DPF3: variants seen among roughly 807,000 people sequenced by gnomAD.
DPF3 encodes double PHD fingers 3, also known as zinc finger protein DPF3.
Under a neutral mutation model 56.8 loss-of-function variants are expected in DPF3, and 18 were observed. The ratio of observed to expected loss-of-function variants is 0.32; its 90% CI spans 0.22 to 0.47. The LOEUF is 0.47. Ranked by LOEUF, DPF3 falls within the 20% of genes least tolerant of loss-of-function variation. DPF3 has a pLI of 1.00. For synonymous variants in DPF3, 188 were observed against 180.2 expected (o/e 1.04, Z -0.35); for missense variants, 403 against 488.8 (o/e 0.82, Z 1.65).
At chr14:72,674,138 A>C in intron 8 of DPF3, 102 bp downstream of exon 8, 1 of 1,429,920 alleles carries the variant, frequency 7.0e-7, no homozygotes, top group Non-Finnish European at 9.2e-7. Context: ...CATTGCCACC[A>C]TCGCTTCCCT....
chr14:72,736,452 A>G (rs1889897904), intron 3 of DPF3, among the ~76,000 whole-genome samples: 1 of 152,198 alleles, frequency 6.6e-6, no homozygotes, highest in African/African-American at 2.4e-5. Flanking sequence ...GTGGTTCTTA[A>G]TGTTGTCCAC....
chr14:72,821,538 T>C (rs1883544147), intron 1 of DPF3, among the ~76,000 whole-genome samples: 1 of 152,224 alleles, frequency 6.6e-6, no homozygotes, highest in Admixed American at 6.5e-5. Flanking sequence ...TATCGAATAT[T>C]GTCCATGGTA....
In DPF3 at chr14:72,761,815, T is replaced by C. The variant is rs529834130; in HGVS notation, c.194-8444A>G. 3.3e-5 allele frequency among the ~76,000 whole-genome samples: 5 copies of C among 151,924 alleles called. No homozygotes were observed. The East Asian group carries it at 9.6e-4, about 29-fold the overall frequency. Reference sequence around the variant, plus strand: ...ATCAATAAAATTGATAAACCTCTAGTCAGAATGATGAGGTAAAAAATAACA... The same window carrying C: ...ATCAATAAAATTGATAAACCTCTAGCCAGAATGATGAGGTAAAAAATAACA... On this transcript the variant is annotated intron_variant, in intron 2 of 10. Coordinates refer to ENST00000556509, the MANE Select transcript of DPF3 (RefSeq NM_001280542.3).
chr14:72,879,991 CTGAGTAG>C, intron 1 of DPF3: 5 of 1,449,180 alleles, frequency 3.5e-6, no homozygotes, highest in Non-Finnish European at 4.5e-6. Flanking sequence ...CCCATCAAGA[CTGAGTAG>C]CCTGCACACT....
intron 6 of DPF3, among the ~76,000 whole-genome samples, chr14:72,706,748 G>C (rs1177270600): frequency 6.6e-6 from 1 of 151,936 alleles, no homozygotes; most frequent in Non-Finnish European, 1.5e-5. Flanking sequence ...AGGCCCTGCA[G>C]CCTCACAACT....
intron 1 of DPF3, among the ~76,000 whole-genome samples, chr14:72,828,342 G>C (rs975078266): frequency 5.3e-5 from 8 of 151,932 alleles, no homozygotes; most frequent in African/African-American, 1.9e-4. Flanking sequence ...CCAGGGTCTG[G>C]GGCATCTTCT....
chr14:72,660,297 T>C (rs1886170045), intron 8 of DPF3, among the ~76,000 whole-genome samples: 1 of 151,890 alleles, frequency 6.6e-6, no homozygotes, highest in Admixed American at 6.5e-5. Flanking sequence ...CTAGGAAAAC[T>C]TACAAAGTCC....
chr14:72,881,439 A>G (rs1470889095), intron 1 of DPF3, among the ~76,000 whole-genome samples: 5 of 152,076 alleles, frequency 3.3e-5, no homozygotes, highest in Admixed American at 2.0e-4. Flanking sequence ...CCATCACATA[A>G]GGCCAACACT....
intron 3 of DPF3, among the ~76,000 whole-genome samples, chr14:72,745,322 AT>A (rs1047601731): frequency 7.2e-5 from 11 of 151,776 alleles, no homozygotes; most frequent in South Asian, 2.1e-4. Context: ...ATCTCTCCAT[AT>A]TTTTTTTACT....
chr14:72,663,751 G>A (rs1327714334), intron 8 of DPF3, among the ~76,000 whole-genome samples: 1 of 152,118 alleles, frequency 6.6e-6, no homozygotes, highest in Non-Finnish European at 1.5e-5. Context: ...AGGGAGAAGA[G>A]GGAGAATGGG....
At chr14:72,892,379 G>A (rs1210526456) in intron 1 of DPF3, 2 of 1,524,806 alleles carry the variant, frequency 1.3e-6, no homozygotes, top group Non-Finnish European at 1.8e-6. Flanking sequence ...GCGTTCAAGC[G>A]CAGTGTATCC....
At chr14:72,701,602 C>T (rs529889639) in intron 6 of DPF3, among the ~76,000 whole-genome samples, 10 of 152,290 alleles carry the variant, frequency 6.6e-5, no homozygotes, top group South Asian at 2.1e-4. Flanking sequence ...TGAACAAAGC[C>T]GCTGCAGCAG....
chr14:72,704,204 C>T (rs1489515976), intron 6 of DPF3, among the ~76,000 whole-genome samples: 2 of 152,180 alleles, frequency 1.3e-5, no homozygotes, highest in Non-Finnish European at 2.9e-5. Context: ...GTCTTTGATT[C>T]CTGATTCTAG....
rs149714238 is a variant in DPF3 at position 72,722,668 on chromosome 14, A to G, written c.525+965T>C. ...TAGAGCCTGAAGGGGTGAGATTCTC[A>G]AGCCTGAGAGTCCATTTTCCAGGTG... On this transcript the variant is annotated intron_variant, in intron 5 of 10. Coordinates refer to ENST00000556509, the MANE Select transcript of DPF3 (RefSeq NM_001280542.3). 4.0e-3 allele frequency among the ~76,000 whole-genome samples: 607 copies of G among 152,308 alleles called. 3 individuals carry two copies. Among genetic ancestry groups the G allele is most frequent in the Admixed American group, 7.4e-3 (114 of 15,304 alleles).
At chr14:72,842,423 C>T (rs1011698668) in intron 1 of DPF3, among the ~76,000 whole-genome samples, 2 of 152,192 alleles carry the variant, frequency 1.3e-5, no homozygotes, top group African/African-American at 4.8e-5. Context: ...ACAACCACAG[C>T]CAACGCTGGG....
At chr14:72,859,478 CCCCCCA>C (rs1885302107) in intron 1 of DPF3, among the ~76,000 whole-genome samples, 1 of 109,070 alleles carries the variant, frequency 9.2e-6, no homozygotes, top group Non-Finnish European at 2.0e-5. Flanking sequence ...CTCCCCCCCC[CCCCCCA>C]CACCATTCCC....
At chr14:72,836,626 C>A (rs1401940079) in intron 1 of DPF3, 1 of 743,232 alleles carries the variant, frequency 1.3e-6, no homozygotes, top group Non-Finnish European at 1.6e-6. Flanking sequence ...AACCTCCTAC[C>A]CAGTGCTTAG....
At chr14:72,704,893 T>C (rs1024888227) in intron 6 of DPF3, among the ~76,000 whole-genome samples, 1 of 152,116 alleles carries the variant, frequency 6.6e-6, no homozygotes, top group Non-Finnish European at 1.5e-5. Flanking sequence ...ATCACCACCA[T>C]CCAGATTTCA....
intron 8 of DPF3, chr14:72,662,708 G>C: frequency 1.0e-6 from 1 of 989,858 alleles, no homozygotes; most frequent in Non-Finnish European, 1.2e-6. Context: ...GCACAGGAGG[G>C]GGCTGGGCAA....
Sources: allele counts gnomAD v4.1 joint callset (sites outside exome capture counted in the v4.1 genomes callset), GRCh38; gene constraint gnomAD v4.1.1; transcripts MANE v1.5; gene names NCBI Gene and HGNC (gene_info 2026-07-23, HGNC 2026-07-21).